The following TF variants were observed in gnomAD, a reference collection of about 807,000 sequenced individuals.
The protein encoded by TF is transferrin.
Under a neutral mutation model 82.4 loss-of-function variants are expected in TF, and 55 were observed. The ratio of observed to expected loss-of-function variants is 0.67; its 90% CI spans 0.54 to 0.84. The LOEUF (loss-of-function observed/expected upper bound fraction) is 0.84, where lower values mean the gene tolerates loss of function less well. TF is among the 40% of genes least tolerant of loss of function. TF has a pLI of 0.00. For synonymous variants in TF, 332 were observed against 332.6 expected (o/e 1.00, Z 0.02); for missense variants, 737 against 868.4 (o/e 0.85, Z 1.90).
At chr3:133,686,915 A>G in the TF span, among the ~76,000 whole-genome samples, 1 of 152,240 alleles carries the variant, frequency 6.6e-6, no homozygotes, top group Non-Finnish European at 1.5e-5. Flanking sequence ...TTGTGGCACT[A>G]TTCACAATAG....
the TF span, among the ~76,000 whole-genome samples, chr3:133,736,631 C>CAAAAAAAAAAAAAAAAAAAAAAA: frequency 3.1e-4 from 10 of 32,562 alleles, no homozygotes; most frequent in South Asian, 2.4e-3. Flanking sequence ...AATGGAAAGC[C>CAAAAAAAAAAAAAAAAAAAAAAA]AAAAAAAAAA....
At chr3:133,677,743 G>T in the TF span, among the ~76,000 whole-genome samples, 1 of 151,926 alleles carries the variant, frequency 6.6e-6, no homozygotes, top group Non-Finnish European at 1.5e-5. Context: ...GAGTGCAGTG[G>T]TGTGATCATA....
In TF at chr3:133,791,205, G is replaced by A. The variant is rs555654393; in HGVS notation, c.*12585G>A. 2.0e-5 allele frequency: 3 copies of A among 152,244 alleles called. No homozygotes were observed. The highest frequency in any genetic ancestry group is 4.4e-5 in the Non-Finnish European group (3 of 68,010). 9.4% of individuals were successfully genotyped at this position (152,244 alleles called of 1,614,324 possible). On this transcript the variant is annotated 3_prime_UTR_variant, in exon 17 of 17. Transcript: ENST00000402696. ...TGGCAGGAATTGATGGAGCACACCA[G>A]CTTTTTAACCTTGAACTAACTCAAA...
the TF span, among the ~76,000 whole-genome samples, chr3:133,691,467 A>T: frequency 2.6e-5 from 4 of 152,208 alleles, no homozygotes; most frequent in African/African-American, 9.7e-5. Flanking sequence ...GACAAACAAT[A>T]AACAGAGTTT....
At chr3:133,670,161 T>C in the TF span, among the ~76,000 whole-genome samples, 13 of 152,264 alleles carry the variant, frequency 8.5e-5, no homozygotes, top group African/African-American at 2.9e-4. Context: ...CTTGGACACC[T>C]ACTAGCTACC....
intron 14 of TF, 98 bp downstream of exon 14, chr3:133,770,670 C>G: frequency 8.2e-7 from 1 of 1,223,996 alleles, no homozygotes; most frequent in Non-Finnish European, 1.2e-6. Context: ...ATTATGTACA[C>G]TGTCAGACTT....
chr3:133,739,743 C>T, the TF span, among the ~76,000 whole-genome samples: 1 of 152,222 alleles, frequency 6.6e-6, no homozygotes, highest in East Asian at 1.9e-4. Context: ...AGCTCATCAT[C>T]ACTGGTCATT....
At chr3:133,680,642 C>A in the TF span, among the ~76,000 whole-genome samples, 1,152 of 152,000 alleles carry the variant, frequency 7.6e-3, 10 homozygotes, top group African/African-American at 0.026. Flanking sequence ...AATTCTACTC[C>A]CTTGGTTGTG....
At chr3:133,754,014 T>C (rs1576357195) in intron 3 of TF, 1 of 489,796 alleles carries the variant, frequency 2.0e-6, no homozygotes, top group Non-Finnish European at 3.7e-6. Context: ...CTAGGGTCCC[T>C]GGAGGCCTCT....
the TF span, among the ~76,000 whole-genome samples, chr3:133,710,986 C>T: frequency 2.6e-5 from 4 of 152,188 alleles, no homozygotes; most frequent in Non-Finnish European, 5.9e-5. Flanking sequence ...TCAGTTGGAA[C>T]GATGTGCTTC....
In TF at chr3:133,756,949, C is replaced by T. The variant is rs560247550; in HGVS notation, c.810C>T (p.Val270=). The T allele has an allele frequency of 2.6e-5, 42 of 1,614,136 alleles. No individual in the cohort carries two copies. Among genetic ancestry groups the T allele is most frequent in the African/African-American group, 2.4e-4 (18 of 75,026 alleles). The change falls in exon 7 of 17, where the codon GTC becomes GTT. Residue 270 remains valine, a synonymous_variant. Transcript: ENST00000402696. ...CHLAQVPSHT[V]VARSMGGKED... is the part of the protein sequence containing the mutation. Reference sequence around the variant, plus strand: ...TGGCCCAGGTCCCTTCTCATACCGTCGTGGCCCGAAGTATGGGCGGCAAGG... The same window carrying T: ...TGGCCCAGGTCCCTTCTCATACCGTTGTGGCCCGAAGTATGGGCGGCAAGG...
the TF span, among the ~76,000 whole-genome samples, chr3:133,733,374 C>G: frequency 6.6e-6 from 1 of 152,174 alleles, no homozygotes; most frequent in African/African-American, 2.4e-5. Context: ...TAACCTCCTT[C>G]CCATCTTTGC....
Position 133,753,999 on chromosome 3 carries a change from T to C in TF, c.325+296T>C. The C allele has an allele frequency of 7.6e-6, 4 of 524,668 alleles. No homozygotes were observed. In the South Asian group the frequency reaches 8.2e-5, roughly 11 times the overall value. 32.5% of individuals were successfully genotyped at this position (524,668 alleles called of 1,614,324 possible). On this transcript the variant is annotated intron_variant, in intron 3 of 16. Coordinates refer to ENST00000402696, the MANE Select transcript of TF (RefSeq NM_001063.4). ...CCTGAAGGCTACTGCGGTCTACTGATATGTCTAGGGTCCCTGGAGGCCTCT... is the reference window on the plus strand; with the variant it reads ...CCTGAAGGCTACTGCGGTCTACTGACATGTCTAGGGTCCCTGGAGGCCTCT...
chr3:133,778,957 A>G lies in TF; in HGVS notation c.*337A>G, dbSNP rs1934460851. ...CATCTCCTGGGTACAGTTCAAGGAG[A>G]CATCTTTTCTAAAAGGGTCTGCGTG... On this transcript the variant is annotated 3_prime_UTR_variant, in exon 17 of 17. Transcript: ENST00000402696. The G allele has an allele frequency of 6.3e-6, 2 of 316,238 alleles. No homozygotes were observed. The highest frequency in any genetic ancestry group is 4.4e-5 in the Admixed American group (1 of 22,890). The allele number at this position is 316,238 out of a possible 1,614,324, so 19.6% of individuals were successfully genotyped here. A position where few individuals can be genotyped will look rare whatever the true frequency, so the allele number is the denominator to read the frequency against.
At chr3:133,755,335 C>A in intron 4 of TF, 28 bp from the exon 5 acceptor site, 1 of 1,614,150 alleles carries the variant, frequency 6.2e-7, no homozygotes, top group Non-Finnish European at 8.5e-7. Flanking sequence ...CACTCATGCT[C>A]TGTTGTCCAT....
At chr3:133,746,690 C>G (rs923127197) in intron 1 of TF, among the ~76,000 whole-genome samples, 1 of 152,256 alleles carries the variant, frequency 6.6e-6, no homozygotes, top group African/African-American at 2.4e-5. Flanking sequence ...TCTTCTCCCC[C>G]TCCTCCTCTT....
chr3:133,754,560 C>T lies in TF; in HGVS notation c.391C>T (p.Leu131Phe), dbSNP rs1933770694. The T allele has an allele frequency of 6.2e-7, 1 of 1,614,108 alleles. No homozygotes were observed. Among genetic ancestry groups the T allele is most frequent in the Non-Finnish European group, 8.5e-7 (1 of 1,180,060 alleles). Residue 131 changes from leucine to phenylalanine, a missense_variant, in exon 4 of 17, where the codon CTT becomes TTT. Coordinates refer to ENST00000402696, the MANE Select transcript of TF (RefSeq NM_001063.4). ...KKDSGFQMNQLRGKKSCHTGL... is the reference protein window; with the variant it reads ...KKDSGFQMNQFRGKKSCHTGL... ...GGATAGTGGCTTCCAGATGAACCAG[C>T]TTCGAGGCAAGAAGTCCTGCCACAC...
intron 2 of TF, among the ~76,000 whole-genome samples, chr3:133,750,004 C>G (rs1461590170): frequency 6.6e-6 from 1 of 152,142 alleles, no homozygotes; most frequent in African/African-American, 2.4e-5. Flanking sequence ...TCTATTCTCC[C>G]GCAGAGACTG....
At position 133,753,059 on chromosome 3, in the gene TF, GAAA is replaced by G. The variant is rs553286166; in HGVS notation, c.217-530_217-528del. ...TTTTCAAGGTTCCCATCTTCCCCCA[GAAA>G]AAAAATCTCCACAGAAGCACCTGAG... On this transcript the variant is annotated intron_variant, in intron 2 of 16. Transcript: ENST00000402696. Among the ~76,000 whole-genome samples, 274 of 151,880 alleles carry G rather than the reference GAAA, an allele frequency of 1.8e-3. 2 individuals are homozygous for G. Among genetic ancestry groups the G allele is most frequent in the Admixed American group, 9.1e-3 (138 of 15,242 alleles).
Sources: allele counts gnomAD v4.1 joint callset (sites outside exome capture counted in the v4.1 genomes callset), GRCh38; gene constraint gnomAD v4.1.1; transcripts MANE v1.5; gene names NCBI Gene and HGNC (gene_info 2026-07-23, HGNC 2026-07-21).